Variants in KIF1B observed in about 807,000 individuals in gnomAD.
The protein encoded by KIF1B is kinesin family member 1B, also known as kinesin-like protein KIF1B.
Under a neutral mutation model 241.9 loss-of-function variants are expected in KIF1B, and 76 were observed. The ratio of observed to expected loss-of-function variants is 0.31; its 90% CI spans 0.26 to 0.38. The LOEUF (loss-of-function observed/expected upper bound fraction) is 0.38. KIF1B is among the 10% of genes least tolerant of loss of function. The probability of loss-of-function intolerance (pLI) is 1.00; values close to 1 mark genes in which losing one functional copy is unlikely to be tolerated. For synonymous variants in KIF1B, 750 were observed against 796.7 expected, an observed-to-expected ratio of 0.94 and a Z score of 0.99; for missense variants, 1,622 against 2,271.4, an observed-to-expected ratio of 0.71 and a Z score of 5.81.
chr1:10,246,565 G>C (rs1363174985), intron 2 of KIF1B, among the ~76,000 whole-genome samples: 1 of 152,122 alleles, frequency 6.6e-6, no homozygotes, highest in Non-Finnish European at 1.5e-5. Context: ...CCAACGTGGT[G>C]AAACCCCGTC....
At chr1:10,227,051 T>C (rs1459345436) in intron 1 of KIF1B, among the ~76,000 whole-genome samples, 1 of 136,854 alleles carries the variant, frequency 7.3e-6, no homozygotes, top group South Asian at 2.4e-4. Context: ...TTTTTTTTTT[T>C]TTTGAGATGA....
intron 2 of KIF1B, among the ~76,000 whole-genome samples, chr1:10,243,998 T>C (rs1020915267): frequency 6.6e-6 from 1 of 152,236 alleles, no homozygotes; most frequent in Non-Finnish European, 1.5e-5. Flanking sequence ...ACATGTTTTA[T>C]AGAAGAGTTA....
intron 14 of KIF1B, among the ~76,000 whole-genome samples, 181 bp downstream of exon 14, chr1:10,279,319 G>A (rs1202755709): frequency 6.6e-6 from 1 of 152,136 alleles, no homozygotes; most frequent in Non-Finnish European, 1.5e-5. Context: ...ACTAATCTTT[G>A]CTGAATTTCA....
chr1:10,252,496 G>T (rs760946945), intron 2 of KIF1B, among the ~76,000 whole-genome samples: 4 of 151,692 alleles, frequency 2.6e-5, no homozygotes, highest in Non-Finnish European at 5.9e-5. Flanking sequence ...CTGCAGCCTG[G>T]ACCTCCCTGG....
At chr1:10,328,851 A>G (rs1336284006) in intron 27 of KIF1B, among the ~76,000 whole-genome samples, 2 of 152,246 alleles carry the variant, frequency 1.3e-5, no homozygotes, top group African/African-American at 2.4e-5. Context: ...TGTAAAGTGA[A>G]TAACAGGTAG....
Position 10,365,714 on chromosome 1 carries a change from A to G in KIF1B, c.4752+66A>G, listed in dbSNP as rs1638552990. The stretch of plus-strand genomic sequence containing the variant: ...GCTCCACAAACTAGCCTCTCGGTTT[A>G]TTCATTTTCAACACCTTTGTTCGAG... On this transcript the variant is annotated intron_variant, in intron 43 of 48. Coordinates refer to ENST00000676179, the MANE Select transcript of KIF1B (RefSeq NM_001365951.3). This position sits in a 1 kb window ranked among gnomAD's most constrained non-coding sequence, Gnocchi z 4.0. 1 of 1,604,592 alleles carries G rather than the reference A, an allele frequency of 6.2e-7. No individual in the cohort carries two copies. The highest frequency in any genetic ancestry group is 1.3e-5 in the African/African-American group (1 of 74,798).
chr1:10,373,730 C>T (rs1049067491), intron 45 of KIF1B, among the ~76,000 whole-genome samples: 5 of 152,166 alleles, frequency 3.3e-5, no homozygotes, highest in Admixed American at 1.3e-4. Context: ...TCTGCACAGC[C>T]GTTCAGGAAC....
intron 1 of KIF1B, among the ~76,000 whole-genome samples, chr1:10,219,673 A>T (rs780076633): frequency 6.6e-6 from 1 of 151,888 alleles, no homozygotes; most frequent in Non-Finnish European, 1.5e-5. Context: ...CAGGAGAATC[A>T]CTTGAACTCA....
intron 41 of KIF1B, among the ~76,000 whole-genome samples, 177 bp downstream of exon 41, chr1:10,363,521 C>A (rs1016753344): frequency 1.3e-5 from 2 of 152,042 alleles, no homozygotes; most frequent in Non-Finnish European, 2.9e-5. Flanking sequence ...GTGAAGCCCC[C>A]CTTTCTACCA....
intron 27 of KIF1B, among the ~76,000 whole-genome samples, chr1:10,332,458 G>A: frequency 6.8e-6 from 1 of 146,734 alleles, no homozygotes; most frequent in Non-Finnish European, 1.5e-5. Flanking sequence ...ATATGTGTCT[G>A]CTGACCTCAC....
intron 17 of KIF1B, among the ~76,000 whole-genome samples, chr1:10,293,123 T>C (rs1175748079): frequency 6.6e-6 from 1 of 151,878 alleles, no homozygotes; most frequent in Non-Finnish European, 1.5e-5. Flanking sequence ...CAATGTGTTA[T>C]TTTCAACAGA....
At chr1:10,307,910 C>A in intron 22 of KIF1B, 23 of 1,050,624 alleles carry the variant, frequency 2.2e-5, no homozygotes, top group Non-Finnish European at 2.5e-5. Context: ...GCTTCTAATT[C>A]CTTCTAGCCC....
At chr1:10,277,079 CAA>C (rs1321482091) in intron 12 of KIF1B, among the ~76,000 whole-genome samples, 18 of 94,734 alleles carry the variant, frequency 1.9e-4, no homozygotes, top group Non-Finnish European at 1.8e-4. Context: ...GACTCCATCT[CAA>C]AAAAAAAAAA....
intron 22 of KIF1B, among the ~76,000 whole-genome samples, chr1:10,314,402 A>T (rs920663206): frequency 7.9e-5 from 12 of 151,170 alleles, no homozygotes; most frequent in African/African-American, 3.0e-4. Flanking sequence ...AAATGCAGTT[A>T]AAGTTTTTTG....
chr1:10,295,566 G>A (rs548356520), intron 18 of KIF1B, 94 bp from the exon 19 acceptor site: 8 of 1,137,514 alleles, frequency 7.0e-6, no homozygotes, highest in Admixed American at 3.4e-5. Context: ...TTTTTTGTAC[G>A]TACCAAAGGA....
chr1:10,273,423 G>A (rs902669460), intron 10 of KIF1B, among the ~76,000 whole-genome samples: 5 of 152,014 alleles, frequency 3.3e-5, no homozygotes, highest in Non-Finnish European at 5.9e-5. Flanking sequence ...GTGTGGTAGC[G>A]CGTGCCCATA....
chr1:10,258,459 A>G (rs775004930), intron 3 of KIF1B, 34 bp from the exon 4 acceptor site: 4 of 1,595,604 alleles, frequency 2.5e-6, no homozygotes, highest in Non-Finnish European at 3.4e-6. Context: ...AATATTAATA[A>G]AAGGTTATTT....
intron 22 of KIF1B, among the ~76,000 whole-genome samples, chr1:10,299,769 TAC>T (rs1650446381): frequency 6.6e-6 from 1 of 152,188 alleles, no homozygotes; most frequent in Non-Finnish European, 1.5e-5. Context: ...GCTTGCTTTT[TAC>T]ACACAGTTTT....
At chr1:10,341,319 T>C (rs1039999981) in intron 32 of KIF1B, among the ~76,000 whole-genome samples, 7 of 152,184 alleles carry the variant, frequency 4.6e-5, no homozygotes, top group African/African-American at 1.7e-4. Flanking sequence ...CTGAAGGATG[T>C]AGTATAAGCA....
Sources: gnomAD v4.1 joint callset for allele counts (sites outside exome capture counted in the v4.1 genomes callset) on GRCh38, gnomAD v4.1.1 for gene constraint, Gnocchi (gnomAD v3.1) non-coding constraint, MANE v1.5 for transcripts, NCBI Gene and HGNC (gene_info 2026-07-23, HGNC 2026-07-21) for gene names.